The following CMBL variants were observed in gnomAD, a reference collection of about 807,000 sequenced individuals.
The protein encoded by CMBL is carboxymethylenebutenolidase homolog.
A neutral mutation model predicts 28.7 loss-of-function variants in CMBL; 17 were observed. That is an observed-to-expected ratio of 0.59 (90% CI 0.41 to 0.89). The LOEUF (loss-of-function observed/expected upper bound fraction) is 0.89, where lower values mean the gene tolerates loss of function less well. CMBL is among the 40% of genes least tolerant of loss of function. The pLI, the probability that CMBL is intolerant of heterozygous loss-of-function variation, is 0.00. For synonymous variants in CMBL, 106 were observed against 101.6 expected (o/e 1.04, Z -0.26); for missense variants, 310 against 298.5 (o/e 1.04, Z -0.28).
Position 10,278,334 on chromosome 5 carries a change from G to C in CMBL, c.*2119C>G, listed in dbSNP as rs927124123. 6.6e-6 allele frequency among the ~76,000 whole-genome samples: 1 copy of C among 152,008 alleles called. No homozygotes were observed. Among genetic ancestry groups the C allele is most frequent in the Non-Finnish European group, 1.5e-5 (1 of 68,016 alleles). On this transcript the variant is annotated 3_prime_UTR_variant, in exon 6 of 6. Coordinates refer to ENST00000296658, the MANE Select transcript of CMBL (RefSeq NM_138809.4). ...ATCCAGACATCTGCCTTACAAAACC[G>C]CCTCCTGGGACCACCTTCCCATGGA...
At chr5:10,285,690 CTTTCTT>C (rs962876135) in intron 4 of CMBL, among the ~76,000 whole-genome samples, 12 of 98,432 alleles carry the variant, frequency 1.2e-4, no homozygotes, top group African/African-American at 4.3e-4. Context: ...CTTTCTTTCT[CTTTCTT>C]TTTCTTTTTT....
chr5:10,293,393 T>C (rs1324538428), intron 1 of CMBL, among the ~76,000 whole-genome samples: 1 of 152,222 alleles, frequency 6.6e-6, no homozygotes, highest in African/African-American at 2.4e-5. Context: ...CCTCTCCTTG[T>C]GTCCTCACGG....
chr5:10,295,812 T>C (rs1561065124), intron 1 of CMBL, among the ~76,000 whole-genome samples: 1 of 152,244 alleles, frequency 6.6e-6, no homozygotes, highest in Non-Finnish European at 1.5e-5. Flanking sequence ...GCAGCCCAAC[T>C]GCCCACAACA....
chr5:10,307,200 T>G (rs1307013840), intron 1 of CMBL: 1 of 152,142 alleles, frequency 6.6e-6, no homozygotes, highest in African/African-American at 2.4e-5. Flanking sequence ...ATATGCTCAG[T>G]TTTTTAATAG....
chr5:10,306,135 G>C (rs1463797546), intron 1 of CMBL, among the ~76,000 whole-genome samples: 2 of 152,174 alleles, frequency 1.3e-5, no homozygotes, highest in Non-Finnish European at 2.9e-5. Flanking sequence ...CTGGCAGTCA[G>C]ACAGGTAAGA....
rs1746420327 is a variant in CMBL at position 10,277,757 on chromosome 5, T to C, written c.*2696A>G. 6.6e-6 allele frequency among the ~76,000 whole-genome samples: 1 copy of C among 152,230 alleles called. No individual in the cohort carries two copies. Among genetic ancestry groups the C allele is most frequent in the South Asian group, 2.1e-4 (1 of 4,834 alleles). ...AGAAGTACGTGTGTGACTTACATTA[T>C]ACTTCTATCTGCAGTGCTGGTTCAG... is the stretch of plus-strand genomic sequence containing the variant. On this transcript the variant is annotated 3_prime_UTR_variant, in exon 6 of 6. Transcript: ENST00000296658.
chr5:10,286,835 G>A (rs1256989148), intron 3 of CMBL, among the ~76,000 whole-genome samples: 2 of 152,178 alleles, frequency 1.3e-5, no homozygotes, highest in Admixed American at 6.5e-5. Flanking sequence ...CGTAAGACCC[G>A]AGTCCATGAT....
intron 1 of CMBL, among the ~76,000 whole-genome samples, chr5:10,293,981 C>T (rs1359873327): frequency 1.3e-5 from 2 of 152,150 alleles, no homozygotes; most frequent in Admixed American, 6.5e-5. Flanking sequence ...TGGGGAACAG[C>T]TTGTTGGAAA....
At chr5:10,300,849 A>G (rs1746886736) in intron 1 of CMBL, among the ~76,000 whole-genome samples, 1 of 147,276 alleles carries the variant, frequency 6.8e-6, no homozygotes, top group African/African-American at 2.5e-5. Flanking sequence ...ATATATTTAT[A>G]TTTTTTATAT....
chr5:10,292,647 A>C (rs1746746029), intron 1 of CMBL, among the ~76,000 whole-genome samples: 1 of 151,832 alleles, frequency 6.6e-6, no homozygotes, highest in Non-Finnish European at 1.5e-5. Flanking sequence ...ATATGGTGAA[A>C]CCCCCGTCTC....
chr5:10,280,424 A>T lies in CMBL; in HGVS notation c.*29T>A, dbSNP rs1327266123. The T allele has an allele frequency of 2.0e-5, 31 of 1,536,856 alleles. No homozygotes were observed. The Admixed American group carries it at 5.5e-4, about 27-fold the overall frequency. ...CCAAGCAAATTTTGGGATGAAAGCT[A>T]TTCTAGGAAGGCTTGCCCTTGATTC... On this transcript the variant is annotated 3_prime_UTR_variant, in exon 6 of 6. Transcript: ENST00000296658.
intron 1 of CMBL, among the ~76,000 whole-genome samples, chr5:10,299,275 C>CA (rs1746854780): frequency 6.6e-6 from 1 of 151,906 alleles, no homozygotes; most frequent in Non-Finnish European, 1.5e-5. Flanking sequence ...GGGCAATTTA[C>CA]AAAAAAGTAC....
chr5:10,283,335 C>T (rs1234769862), intron 4 of CMBL, among the ~76,000 whole-genome samples: 1 of 152,178 alleles, frequency 6.6e-6, no homozygotes, highest in Non-Finnish European at 1.5e-5. Context: ...CAGGTCTACA[C>T]AAGTCCCACG....
At chr5:10,295,718 T>A (rs569214057) in intron 1 of CMBL, among the ~76,000 whole-genome samples, 1 of 152,140 alleles carries the variant, frequency 6.6e-6, no homozygotes, top group African/African-American at 2.4e-5. Flanking sequence ...TCAGCAGACA[T>A]TGGATCTGCC....
chr5:10,280,868 C>T (rs954722660), intron 5 of CMBL, among the ~76,000 whole-genome samples: 6 of 152,276 alleles, frequency 3.9e-5, no homozygotes, highest in African/African-American at 1.4e-4. Context: ...CTGCCTCCCA[C>T]ATTCAAGTGA....
In CMBL at chr5:10,290,754, G is replaced by A. The variant is rs773650498; in HGVS notation, c.9C>T (p.Asn3=). MA[N]EAYPCPCDIG... ...TGTCACACGGACAAGGATAAGCTTC[G>A]TTAGCCATTGCAGAGATTTAAGTCG... The change falls in exon 2 of 6, where the codon AAC becomes AAT. Residue 3 remains asparagine (N), a synonymous_variant. Transcript: ENST00000296658. The A allele has an allele frequency of 7.4e-6, 12 of 1,613,926 alleles. No homozygotes were observed. Among genetic ancestry groups the A allele is most frequent in the African/African-American group, 4.0e-5 (3 of 74,910 alleles).
At chr5:10,304,551 C>A (rs992924365) in intron 1 of CMBL, among the ~76,000 whole-genome samples, 2 of 152,202 alleles carry the variant, frequency 1.3e-5, no homozygotes, top group East Asian at 1.9e-4. Flanking sequence ...GGCCGCTTTG[C>A]GGGCTGCAAC....
intron 1 of CMBL, among the ~76,000 whole-genome samples, chr5:10,300,849 ATTTTTTATATATTTATT>A (rs1746886894): frequency 6.8e-6 from 1 of 147,276 alleles, no homozygotes; most frequent in Non-Finnish European, 1.5e-5. Context: ...ATATATTTAT[ATTTTTTATATATTTATT>A]TTTATTTAAA....
At chr5:10,285,616 A>AGT (rs1364223685) in intron 4 of CMBL, among the ~76,000 whole-genome samples, 1 of 150,636 alleles carries the variant, frequency 6.6e-6, no homozygotes, top group Non-Finnish European at 1.5e-5. Flanking sequence ...TTTCTTTCTT[A>AGT]GTGTGTGTGC....
Sources: allele counts gnomAD v4.1 joint callset (sites outside exome capture counted in the v4.1 genomes callset), GRCh38; gene constraint gnomAD v4.1.1; transcripts MANE v1.5; gene names NCBI Gene and HGNC (gene_info 2026-07-23, HGNC 2026-07-21).